The following RIMS2 variants were observed in gnomAD, a reference collection of about 807,000 sequenced individuals.
RIMS2 encodes regulating synaptic membrane exocytosis 2, also known as regulating synaptic membrane exocytosis protein 2.
RIMS2 carries 59 observed loss-of-function variants against 174.4 expected under a neutral mutation model. The ratio of observed to expected loss-of-function variants is 0.34; its 90% confidence interval spans 0.27 to 0.42. The LOEUF is 0.42. RIMS2 is among the 10% of genes least tolerant of loss of function. RIMS2 has a pLI of 1.00. For synonymous variants in RIMS2, 606 were observed against 572.5 expected, an observed-to-expected ratio of 1.06 and a Z score of -0.84; for missense variants, 1,620 against 1,666.3, an observed-to-expected ratio of 0.97 and a Z score of 0.48.
At chr8:103,801,394 T>C (rs1467709975) in intron 3 of RIMS2, among the ~76,000 whole-genome samples, 1 of 152,260 alleles carries the variant, frequency 6.6e-6, no homozygotes, top group East Asian at 1.9e-4. Context: ...CTAGTAAATA[T>C]ATAGCCATGG....
chr8:103,608,601 C>G (rs1441562917), intron 1 of RIMS2, among the ~76,000 whole-genome samples: 1 of 150,156 alleles, frequency 6.7e-6, no homozygotes, highest in African/African-American at 2.5e-5. Context: ...TCGCTGCCGC[C>G]TTGCAGTTTG....
At chr8:104,142,120 C>CTTTT (rs71297257) in intron 19 of RIMS2, among the ~76,000 whole-genome samples, 1 of 131,996 alleles carries the variant, frequency 7.6e-6, no homozygotes, top group African/African-American at 2.9e-5. Flanking sequence ...AAATATCTTC[C>CTTTT]TTTTTTTTTT....
At chr8:104,125,341 G>A (rs1389511258) in intron 19 of RIMS2, among the ~76,000 whole-genome samples, 1 of 152,126 alleles carries the variant, frequency 6.6e-6, no homozygotes, top group Admixed American at 6.6e-5. Context: ...TTGAAACCCT[G>A]ATTCCAACAT....
intron 19 of RIMS2, among the ~76,000 whole-genome samples, chr8:104,207,588 C>T (rs1327795673): frequency 1.3e-5 from 2 of 151,762 alleles, no homozygotes; most frequent in African/African-American, 4.8e-5. Flanking sequence ...GGTGGATCAC[C>T]TGAGGTCAGG....
chr8:103,834,676 T>TTTCCTTTC (rs2098847912), intron 3 of RIMS2, among the ~76,000 whole-genome samples: 1 of 120,012 alleles, frequency 8.3e-6, no homozygotes, highest in Admixed American at 8.3e-5. Flanking sequence ...TCTGAGGTCT[T>TTTCCTTTC]TTTCTTTCTT....
chr8:103,828,978 A>G (rs1055813083), intron 3 of RIMS2, among the ~76,000 whole-genome samples: 1 of 151,736 alleles, frequency 6.6e-6, no homozygotes, highest in African/African-American at 2.4e-5. Context: ...GTCTTGTAGT[A>G]TAGTTCAAAG....
intron 10 of RIMS2, among the ~76,000 whole-genome samples, chr8:103,925,514 A>G (rs2078603038): frequency 6.6e-6 from 1 of 151,578 alleles, no homozygotes; most frequent in South Asian, 2.1e-4. Context: ...AATGTTCTAA[A>G]GATAGTAGTG....
intron 1 of RIMS2, among the ~76,000 whole-genome samples, chr8:103,591,228 A>C (rs901974783): frequency 2.0e-5 from 3 of 150,898 alleles, no homozygotes; most frequent in Admixed American, 1.3e-4. Context: ...GTCTGTTCAA[A>C]TGTTTTGCTC....
intron 2 of RIMS2, among the ~76,000 whole-genome samples, chr8:103,732,768 TCAAGTAC>T (rs2097621978): frequency 6.6e-6 from 1 of 152,172 alleles, no homozygotes; most frequent in Non-Finnish European, 1.5e-5. Context: ...TGATGTTTGC[TCAAGTAC>T]CAAGATCTTT....
intron 14 of RIMS2, among the ~76,000 whole-genome samples, chr8:103,954,778 C>G (rs560566115): frequency 6.6e-6 from 1 of 151,960 alleles, no homozygotes; most frequent in South Asian, 2.1e-4. Flanking sequence ...GAGACAGAGA[C>G]ACGAAAAAAC....
intron 17 of RIMS2, among the ~76,000 whole-genome samples, chr8:104,002,282 G>A (rs1049837931): frequency 6.6e-6 from 1 of 151,770 alleles, no homozygotes; most frequent in African/African-American, 2.4e-5. Context: ...CTTGCTGTTA[G>A]CCTCCATCTT....
chr8:104,113,289 T>G (rs2098223602), intron 19 of RIMS2, among the ~76,000 whole-genome samples: 1 of 152,162 alleles, frequency 6.6e-6, no homozygotes, highest in Non-Finnish European at 1.5e-5. Flanking sequence ...TGATGAATGC[T>G]CTAACGCTAT....
intron 19 of RIMS2, among the ~76,000 whole-genome samples, chr8:104,180,460 A>T (rs1330007072): frequency 6.6e-6 from 1 of 151,468 alleles, no homozygotes; most frequent in East Asian, 1.9e-4. Flanking sequence ...GTTGGTTGAA[A>T]TATGTTCAGA....
rs568295674 is a variant in RIMS2, at chr8:103,943,034, G to C, written c.2701+108G>C. ...TCTTTGTGAATATTAATAGTCATTTGTTAGTGTTTCCATAGCTATGAATTG... is the reference window on the plus strand; with the variant it reads ...TCTTTGTGAATATTAATAGTCATTTCTTAGTGTTTCCATAGCTATGAATTG... On this transcript the variant is annotated intron_variant, in intron 14 of 23. Transcript: ENST00000504942. The C allele has an allele frequency of 1.9e-4, 146 of 786,762 alleles. 1 individual carries two copies. The highest frequency in any genetic ancestry group is 9.0e-4 in the Admixed American group (31 of 34,306). 48.7% of individuals were successfully genotyped at this position (786,762 alleles called of 1,614,324 possible). A position where few individuals can be genotyped will look rare whatever the true frequency, so the allele number is the denominator to read the frequency against.
chr8:104,140,724 G>A (rs2098558486), intron 19 of RIMS2, among the ~76,000 whole-genome samples: 1 of 152,122 alleles, frequency 6.6e-6, no homozygotes, highest in Non-Finnish European at 1.5e-5. Context: ...TGCTGCCTTG[G>A]GACCTAACAC....
intron 3 of RIMS2, among the ~76,000 whole-genome samples, chr8:103,770,314 G>T (rs1388324074): frequency 6.6e-6 from 1 of 152,194 alleles, no homozygotes; most frequent in East Asian, 1.9e-4. Flanking sequence ...AATGGCTTAT[G>T]CCTGTAATCC....
intron 1 of RIMS2, among the ~76,000 whole-genome samples, chr8:103,508,224 G>T (rs1334907706): frequency 6.6e-6 from 1 of 152,004 alleles, no homozygotes; most frequent in African/African-American, 2.4e-5. Flanking sequence ...GGAGCTCATT[G>T]TAAGAAACGT....
chr8:104,035,679 T>C (rs1326029215), intron 19 of RIMS2, among the ~76,000 whole-genome samples: 1 of 152,074 alleles, frequency 6.6e-6, no homozygotes, highest in African/African-American at 2.4e-5. Flanking sequence ...TGTTTAAGAT[T>C]TTTTGAAAGT....
At chr8:104,057,866 A>G (rs1025229254) in intron 19 of RIMS2, among the ~76,000 whole-genome samples, 51 of 151,354 alleles carry the variant, frequency 3.4e-4, no homozygotes, top group African/African-American at 1.2e-3. Context: ...ATGATTTCCA[A>G]TTTCATCCAT....
Sources: allele counts gnomAD v4.1 joint callset (sites outside exome capture counted in the v4.1 genomes callset), GRCh38; gene constraint gnomAD v4.1.1; transcripts MANE v1.5; gene names NCBI Gene and HGNC (gene_info 2026-07-23, HGNC 2026-07-21).